The following NHSL2 variants were observed in gnomAD, a reference collection of about 807,000 sequenced individuals.
NHSL2 encodes the protein NHS like 2.
In NHSL2, 27 loss-of-function variants were observed where a neutral mutation model predicts 53.4. The observed-to-expected ratio is 0.51, with a 90% CI of 0.37 to 0.70. The LOEUF is 0.70. Ranked by LOEUF, NHSL2 falls within the 30% of genes least tolerant of loss-of-function variation. The pLI is 0.00. For missense variants in NHSL2, 892 were observed against 980.1 expected (o/e 0.91, Z 1.20); for synonymous variants, 408 against 404.1 (o/e 1.01, Z -0.12).
At chrX:71,934,219 C>T (rs963035548) in intron 1 of NHSL2, among the ~76,000 whole-genome samples, 5 of 112,010 alleles carry the variant, frequency 4.5e-5, no homozygotes, top group African/African-American at 1.3e-4. Context: ...AATACCATGC[C>T]GCTTCCCAGG....
chrX:72,131,951 A>T, intron 1 of NHSL2, 128 bp from the exon 2 acceptor site: 2 of 621,233 alleles, frequency 3.2e-6, no homozygotes, highest in Non-Finnish European at 5.0e-6. Context: ...CCGCCTTTTA[A>T]GCGCAGCCTC....
chrX:72,048,576 TC>T (rs768876290), intron 1 of NHSL2, among the ~76,000 whole-genome samples: 71 of 109,550 alleles, frequency 6.5e-4, no homozygotes, highest in African/African-American at 2.2e-3. Context: ...TTTGCATGTG[TC>T]CCAGCCCAGC....
Position 71,980,561 on chromosome X carries a change from GTGTGTGGGGTGTGTGTGTGT to G in NHSL2, c.280+69195_280+69214del, listed in dbSNP as rs2041972219. Among the ~76,000 whole-genome samples, 29 of 5,156 alleles carry G rather than the reference GTGTGTGGGGTGTGTGTGTGT, an allele frequency of 5.6e-3. No individual in the cohort carries two copies. In the South Asian group the frequency reaches 0.21, roughly 38 times the overall value. The allele number at this position is 5,156 out of a possible 115,157, so 4.5% of individuals were successfully genotyped here. A position where few individuals can be genotyped will look rare whatever the true frequency, so the allele number is the denominator to read the frequency against. On this transcript the variant is annotated intron_variant, in intron 1 of 7. Transcript: ENST00000633930. Reference sequence around the variant, plus strand: ...AACAGTGTGTGTGTGTGTGTGTGGGGTGTGTGGGGTGTGTGTGTGTGTGTGTGTGTGTGTGTGTGTGTGTG... The same window carrying G: ...AACAGTGTGTGTGTGTGTGTGTGGGGGTGTGTGTGTGTGTGTGTGTGTGTG...
At position 72,130,143 on chromosome X, in the gene NHSL2, C is replaced by T. The variant is rs60726595; in HGVS notation, c.281-1936C>T. 2,787 of 1,208,358 alleles carry T rather than the reference C, an allele frequency of 2.3e-3. 51 individuals are homozygous for T. In the African/African-American group the frequency reaches 0.044, roughly 19 times the overall value. ...CAAAGGTCGGCTCCATCTCCATCAG[C>T]TCATCTAGGTCATCATCTTGGGCCT... On this transcript the variant is annotated intron_variant, in intron 1 of 7. Coordinates refer to ENST00000633930, the MANE Select transcript of NHSL2 (RefSeq NM_001013627.3).
intron 1 of NHSL2, among the ~76,000 whole-genome samples, chrX:71,982,531 G>A (rs2041984130): frequency 8.9e-6 from 1 of 112,266 alleles, no homozygotes; most frequent in African/African-American, 3.2e-5. Context: ...ACCAAGGCAT[G>A]AATAGAGGGT....
chrX:72,109,186 C>T (rs1468515276), intron 1 of NHSL2, among the ~76,000 whole-genome samples: 1 of 112,138 alleles, frequency 8.9e-6, no homozygotes, highest in African/African-American at 3.3e-5. Context: ...GGGCCCAGTA[C>T]ACAGAAAGGG....
At chrX:71,913,373 A>T (rs917821070) in intron 1 of NHSL2, among the ~76,000 whole-genome samples, 1 of 112,002 alleles carries the variant, frequency 8.9e-6, no homozygotes, top group African/African-American at 3.2e-5. Context: ...AGAGTTGGGG[A>T]GCGTAATCAG....
At chrX:72,133,918 A>G (rs896846218) in intron 2 of NHSL2, 173 bp from the exon 3 acceptor site, 1 of 445,837 alleles carries the variant, frequency 2.2e-6, no homozygotes, top group Non-Finnish European at 3.8e-6. Flanking sequence ...GGTCCTGGGA[A>G]GCAAGCACTT....
chrX:71,987,689 T>G (rs2042009180), intron 1 of NHSL2, among the ~76,000 whole-genome samples: 1 of 112,472 alleles, frequency 8.9e-6, no homozygotes, highest in Non-Finnish European at 1.9e-5. Flanking sequence ...AGCTCTTATT[T>G]TTAAACCAAT....
chrX:71,927,071 T>C (rs993545245), intron 1 of NHSL2, among the ~76,000 whole-genome samples: 6 of 111,958 alleles, frequency 5.4e-5, no homozygotes, highest in African/African-American at 2.0e-4. Flanking sequence ...TTATTTGTCC[T>C]CTTGACAGTA....
chrX:72,125,055 C>T (rs1295934723), intron 1 of NHSL2, among the ~76,000 whole-genome samples: 1 of 64,338 alleles, frequency 1.6e-5, no homozygotes, highest in Non-Finnish European at 4.1e-5. Flanking sequence ...ATTGGCGCAT[C>T]TGACAGCCAG....
chrX:71,951,467 T>C (rs188715099), intron 1 of NHSL2, among the ~76,000 whole-genome samples: 162 of 112,057 alleles, frequency 1.4e-3, no homozygotes, highest in Middle Eastern at 4.6e-3. Context: ...GGCTGCACCA[T>C]TTTGCATTCC....
chrX:72,098,715 A>T (rs972117299), intron 1 of NHSL2, among the ~76,000 whole-genome samples: 1 of 112,072 alleles, frequency 8.9e-6, no homozygotes, highest in African/African-American at 3.2e-5. Context: ...TTATTTTAAT[A>T]GTTTTATGTT....
intron 1 of NHSL2, among the ~76,000 whole-genome samples, chrX:72,090,811 GGA>G (rs2041890276): frequency 9.4e-6 from 1 of 106,686 alleles, no homozygotes; most frequent in East Asian, 2.9e-4. Context: ...GTGTGTGTAT[GGA>G]GAGGGGGTGG....
Position 71,994,298 on chromosome X carries a change from C to CTGTGTGTGTGTGTGTGTGTGTGTG in NHSL2, c.280+82939_280+82962dup, listed in dbSNP as rs10673341. 2.7e-3 allele frequency among the ~76,000 whole-genome samples: 239 copies of CTGTGTGTGTGTGTGTGTGTGTGTG among 90,065 alleles called. 1 individual carries two copies. Among genetic ancestry groups the CTGTGTGTGTGTGTGTGTGTGTGTG allele is most frequent in the African/African-American group, 9.2e-3 (223 of 24,232 alleles). 78.2% of individuals were successfully genotyped at this position (90,065 alleles called of 115,157 possible). ...GAGAGATCCCTGAGGGAGGCTCCCT[C>CTGTGTGTGTGTGTGTGTGTGTGTG]TGTGTGTGTGTGTGTGTGTGTGTGT... On this transcript the variant is annotated intron_variant, in intron 1 of 7. Coordinates refer to ENST00000633930, the MANE Select transcript of NHSL2 (RefSeq NM_001013627.3).
chrX:71,964,027 G>GTATATATATATACA (rs2041887024), intron 1 of NHSL2, among the ~76,000 whole-genome samples: 14 of 14,183 alleles, frequency 9.9e-4, no homozygotes, highest in Non-Finnish European at 3.3e-3. Context: ...ATATATATGT[G>GTATATATATATACA]TATATATATA....
intron 1 of NHSL2, among the ~76,000 whole-genome samples, chrX:71,992,596 A>C (rs1021493382): frequency 3.6e-5 from 4 of 112,532 alleles, no homozygotes; most frequent in African/African-American, 6.5e-5. Context: ...TTTCCAAAGA[A>C]ACTTTATGGA....
At chrX:72,096,595 A>G (rs774462239) in intron 1 of NHSL2, among the ~76,000 whole-genome samples, 1 of 112,413 alleles carries the variant, frequency 8.9e-6, no homozygotes, top group South Asian at 3.6e-4. Context: ...GTTTGCTTCC[A>G]ATTTTTAAGT....
Position 72,145,840 on chromosome X carries a change from G to A in NHSL2, c.*2266G>A, listed in dbSNP as rs1327279026. The A allele has an allele frequency of 1.8e-5, 2 of 112,051 alleles. No homozygotes were observed. Among genetic ancestry groups the A allele is most frequent in the Non-Finnish European group, 3.8e-5 (2 of 53,211 alleles). 9.2% of individuals were successfully genotyped at this position (112,051 alleles called of 1,213,427 possible). A position where few individuals can be genotyped will look rare whatever the true frequency, so the allele number is the denominator to read the frequency against. On this transcript the variant is annotated 3_prime_UTR_variant, in exon 8 of 8. Transcript: ENST00000633930. ...TCCCCTCACCTTGCTACCTCTGGAG[G>A]TTTTCCCAAAAGATTCTGAACCTGA...
Sources: allele counts gnomAD v4.1 joint callset (sites outside exome capture counted in the v4.1 genomes callset), GRCh38; gene constraint gnomAD v4.1.1; transcripts MANE v1.5; gene names NCBI Gene and HGNC (gene_info 2026-07-23, HGNC 2026-07-21).